The following MMS22L variants were observed in gnomAD, a reference collection of about 807,000 sequenced individuals.
The protein encoded by MMS22L is protein MMS22-like.
In MMS22L, 74 loss-of-function variants were observed where a neutral mutation model predicts 159.1. The observed-to-expected ratio is 0.47, with a 90% CI of 0.39 to 0.56. MMS22L has a LOEUF of 0.56. Among genes scored for constraint, MMS22L ranks in the 20% least tolerant of loss-of-function variants. MMS22L has a pLI of 0.00. For synonymous variants in MMS22L, 517 were observed against 506.9 expected (o/e 1.02, Z -0.27); for missense variants, 1,351 against 1,422.1 (o/e 0.95, Z 0.80).
At chr6:97,154,252 GTTTAT>G (rs780528896) in intron 22 of MMS22L, among the ~76,000 whole-genome samples, 1 of 151,924 alleles carries the variant, frequency 6.6e-6, no homozygotes, top group Non-Finnish European at 1.5e-5. Flanking sequence ...CTTATTGGCC[GTTTAT>G]TTTCTTTGTA....
chr6:97,257,768 ATC>A (rs1188451776), intron 9 of MMS22L, among the ~76,000 whole-genome samples: 2 of 151,858 alleles, frequency 1.3e-5, no homozygotes, highest in Non-Finnish European at 2.9e-5. Flanking sequence ...GGTACATGAT[ATC>A]AATCTGTCCT....
chr6:97,264,386 C>G (rs1814846803), intron 8 of MMS22L: 1 of 151,354 alleles, frequency 6.6e-6, no homozygotes, highest in African/African-American at 2.4e-5. Context: ...TAAAAAAATC[C>G]TCAGCAGCCC....
chr6:97,170,314 C>T (rs1803400985), intron 19 of MMS22L, among the ~76,000 whole-genome samples: 1 of 151,972 alleles, frequency 6.6e-6, no homozygotes, highest in Non-Finnish European at 1.5e-5. Flanking sequence ...TTGTTTTACT[C>T]CTTGCTATCA....
At chr6:97,272,942 T>A in intron 5 of MMS22L, 33 bp downstream of exon 5, 1 of 1,607,066 alleles carries the variant, frequency 6.2e-7, no homozygotes, top group Non-Finnish European at 8.5e-7. Context: ...CAGAAATTCA[T>A]GCAGTGATCA....
At chr6:97,148,573 T>TA (rs1032959153) in intron 24 of MMS22L, among the ~76,000 whole-genome samples, 2 of 151,516 alleles carry the variant, frequency 1.3e-5, no homozygotes, top group Non-Finnish European at 2.9e-5. Context: ...AGTTTAAAAA[T>TA]AAAAAATAAT....
intron 6 of MMS22L, chr6:97,272,457 T>C (rs1028621826): frequency 2.6e-6 from 1 of 388,320 alleles, no homozygotes; most frequent in Non-Finnish European, 4.6e-6. Flanking sequence ...AATAACTTCA[T>C]GTATATGAAT....
intron 20 of MMS22L, among the ~76,000 whole-genome samples, chr6:97,166,111 C>T (rs537999527): frequency 6.6e-5 from 10 of 152,226 alleles, no homozygotes; most frequent in Admixed American, 5.2e-4. Context: ...AATACAGTCA[C>T]ACAGAACTCT....
chr6:97,266,656 C>T (rs922861346), intron 8 of MMS22L: 1 of 152,172 alleles, frequency 6.6e-6, no homozygotes, highest in African/African-American at 2.4e-5. Context: ...CCCTACTATT[C>T]AGCCTTGAGA....
At chr6:97,179,714 T>C (rs1267330910) in intron 16 of MMS22L, among the ~76,000 whole-genome samples, 155 bp from the exon 17 acceptor site, 1 of 152,196 alleles carries the variant, frequency 6.6e-6, no homozygotes, top group African/African-American at 2.4e-5. Context: ...TTGTTGAAAA[T>C]GAATACTACA....
At chr6:97,274,726 A>T (rs972306000) in intron 4 of MMS22L, among the ~76,000 whole-genome samples, 9 of 152,166 alleles carry the variant, frequency 5.9e-5, no homozygotes, top group Admixed American at 3.9e-4. Context: ...GAAAGAAGCT[A>T]TACAAAATAG....
intron 3 of MMS22L, among the ~76,000 whole-genome samples, chr6:97,279,377 G>A (rs148592050): frequency 6.3e-4 from 96 of 152,248 alleles, no homozygotes; most frequent in African/African-American, 2.1e-3. Flanking sequence ...CCAGCTACTC[G>A]GGAGGCTGAG....
intron 4 of MMS22L, among the ~76,000 whole-genome samples, chr6:97,276,960 G>C (rs1481189914): frequency 6.6e-6 from 1 of 152,152 alleles, no homozygotes; most frequent in African/African-American, 2.4e-5. Context: ...AAAGTACCTG[G>C]CATGAACCAG....
Position 97,246,629 on chromosome 6 carries a change from T to A in MMS22L, c.1181A>T (p.Gln394Leu). ...EELLKKSISV[Q>L]GVILEEQLRM... ...AACTGTCTTACTTTAATTGCATACC[T>A]GAACACTGATGGACTTTTTCAGCAG... The change falls in exon 11 of 25, where the codon CAG (glutamine) becomes CTG (leucine). Residue 394 changes from glutamine (Q) to leucine (L), a missense_variant and splice_region_variant. Physicochemically the swap from Gln to Leu is moderately radical, Grantham distance 113. Coordinates refer to ENST00000683635, the MANE Select transcript of MMS22L (RefSeq NM_001350599.2). 1.2e-6 allele frequency: 2 copies of A among 1,609,556 alleles called. No homozygotes were observed. The highest frequency in any genetic ancestry group is 1.7e-6 in the Non-Finnish European group (2 of 1,178,002).
intron 10 of MMS22L, chr6:97,253,680 A>ATG (rs1384926541): frequency 6.6e-6 from 1 of 152,146 alleles, no homozygotes; most frequent in East Asian, 1.9e-4. Context: ...GGCTGATGTC[A>ATG]AACTCCTGAT....
At chr6:97,282,188 A>G (rs1166216176) in intron 2 of MMS22L, 126 bp downstream of exon 2, 2 of 880,474 alleles carry the variant, frequency 2.3e-6, no homozygotes, top group Non-Finnish European at 3.5e-6. Context: ...TACCCTTATG[A>G]TATACTAAGC....
chr6:97,147,801 T>A (rs1029238597), intron 24 of MMS22L, among the ~76,000 whole-genome samples: 2 of 152,138 alleles, frequency 1.3e-5, no homozygotes, highest in Non-Finnish European at 2.9e-5. Context: ...ACAAGGATGA[T>A]CTCTCCAGTC....
At chr6:97,235,681 T>C (rs746154362) in intron 11 of MMS22L, among the ~76,000 whole-genome samples, 1 of 152,092 alleles carries the variant, frequency 6.6e-6, no homozygotes, top group Non-Finnish European at 1.5e-5. Flanking sequence ...CCAGAGCAGT[T>C]TGGGGCTTGA....
chr6:97,188,495 G>T (rs943840760), intron 14 of MMS22L, among the ~76,000 whole-genome samples: 1 of 152,048 alleles, frequency 6.6e-6, no homozygotes, highest in Non-Finnish European at 1.5e-5. Flanking sequence ...TATAGATGAC[G>T]AAGCTAACAG....
intron 7 of MMS22L, among the ~76,000 whole-genome samples, chr6:97,268,397 C>T (rs1582850932): frequency 6.6e-6 from 1 of 152,084 alleles, no homozygotes; most frequent in East Asian, 1.9e-4. Flanking sequence ...ACCGTGTTAG[C>T]CAGGATGGTC....
Sources: allele counts gnomAD v4.1 joint callset (sites outside exome capture counted in the v4.1 genomes callset), GRCh38; gene constraint gnomAD v4.1.1; transcripts MANE v1.5; gene names NCBI Gene and HGNC (gene_info 2026-07-23, HGNC 2026-07-21).